GSE1: variants seen among roughly 807,000 people sequenced by gnomAD.
GSE1 encodes genetic suppressor element 1.
A neutral mutation model predicts 112.6 loss-of-function variants in GSE1; 32 were observed. That is an observed-to-expected ratio of 0.28 (90% CI 0.21 to 0.38). The LOEUF (loss-of-function observed/expected upper bound fraction) is 0.38. Among genes scored for constraint, GSE1 ranks in the 10% least tolerant of loss-of-function variants. The probability of loss-of-function intolerance (pLI) is 1.00; values close to 1 mark genes in which losing one functional copy is unlikely to be tolerated. For synonymous variants in GSE1, 1,115 were observed against 735.6 expected (o/e 1.52, Z -8.35); for missense variants, 2,348 against 1,699.2 (o/e 1.38, Z -6.71).
chr16:85,479,003 C>T lies in GSE1; in HGVS notation c.2464+121360C>T, dbSNP rs570574585. ...TCCTTCCTTCCTTCCTTCTTTCCCT[C>T]CCTCCCTCCCTACCTCCTTCCTTCC... On this transcript the variant is annotated intron_variant, in intron 2 of 2. Coordinates refer to the GSE1 transcript ENST00000637419. Among the ~76,000 whole-genome samples, 108 of 116,204 alleles carry T rather than the reference C, an allele frequency of 9.3e-4. 9 individuals carry two copies. The highest frequency in any genetic ancestry group is 3.4e-3 in the African/African-American group (104 of 30,306). 76.2% of individuals were successfully genotyped at this position (116,204 alleles called of 152,430 possible).
intron 1 of GSE1, among the ~76,000 whole-genome samples, chr16:85,301,137 C>T (rs2045512491): frequency 6.6e-6 from 1 of 152,236 alleles, no homozygotes; most frequent in South Asian, 2.1e-4. Context: ...CCTCTCCCAT[C>T]ACATGGCGCC....
rs968400552 is a variant in GSE1, at chr16:85,453,331, C to T, written c.2464+95688C>T. On this transcript the variant is annotated intron_variant, in intron 2 of 2. Coordinates refer to the GSE1 transcript ENST00000637419. ...CTCCGCGGAGGCTGGGCAGATTGCT[C>T]GGTGCATGGACGCAGTGTGTACAAA... 6.2e-4 allele frequency among the ~76,000 whole-genome samples: 94 copies of T among 152,258 alleles called. 1 individual carries two copies. Among genetic ancestry groups the T allele is most frequent in the Middle Eastern group, 3.4e-3 (1 of 292 alleles).
At position 85,174,542 on chromosome 16, in the gene GSE1, A is replaced by G. The variant is rs181062171; in HGVS notation, c.2283+2735A>G. Among the ~76,000 whole-genome samples, 8 of 152,244 alleles carry G rather than the reference A, an allele frequency of 5.3e-5. No individual in the cohort carries two copies. The East Asian group carries it at 1.4e-3, about 26-fold the overall frequency. On this transcript the variant is annotated intron_variant, in intron 1 of 2. Coordinates refer to the GSE1 transcript ENST00000637419. ...TCCGTCCTCCCTCCCCCTCCTTCCC[A>G]TTCATTCAACAAATATTTATGGAGC... is the stretch of plus-strand genomic sequence containing the variant.
At chr16:85,556,913 G>A (rs1486082382) in intron 1 of GSE1, among the ~76,000 whole-genome samples, 1 of 152,046 alleles carries the variant, frequency 6.6e-6, no homozygotes, top group Non-Finnish European at 1.5e-5. Flanking sequence ...GGGGGCCGGG[G>A]AAGCTCAGGA....
intron 1 of GSE1, among the ~76,000 whole-genome samples, chr16:85,352,219 C>A (rs891627388): frequency 6.6e-6 from 1 of 152,202 alleles, no homozygotes; most frequent in Non-Finnish European, 1.5e-5. Context: ...CTCCAGCTCC[C>A]TGGAGAAAGC....
At chr16:85,619,987 G>C (rs907123950) in intron 1 of GSE1, among the ~76,000 whole-genome samples, 8 of 152,148 alleles carry the variant, frequency 5.3e-5, no homozygotes, top group South Asian at 4.1e-4. Context: ...CGGCTGCTTC[G>C]GAAGGCCCTG....
intron 2 of GSE1, among the ~76,000 whole-genome samples, chr16:85,451,123 A>T (rs1041892808): frequency 3.4e-5 from 5 of 148,562 alleles, no homozygotes; most frequent in African/African-American, 7.4e-5. Context: ...GATATAGCTT[A>T]CGCACAAGAG....
intron 1 of GSE1, among the ~76,000 whole-genome samples, chr16:85,225,336 G>A (rs2075465862): frequency 6.6e-6 from 1 of 152,164 alleles, no homozygotes; most frequent in Non-Finnish European, 1.5e-5. Context: ...GGAGAGGGGT[G>A]TTCCTGGCAG....
At chr16:85,232,347 C>T (rs530311877) in intron 1 of GSE1, among the ~76,000 whole-genome samples, 5 of 152,276 alleles carry the variant, frequency 3.3e-5, no homozygotes, top group South Asian at 2.1e-4. Flanking sequence ...CTACTCCCCT[C>T]GGACCTCCAC....
At chr16:85,199,340 C>G (rs1439198919) in intron 1 of GSE1, among the ~76,000 whole-genome samples, 3 of 152,184 alleles carry the variant, frequency 2.0e-5, no homozygotes, top group African/African-American at 7.2e-5. Flanking sequence ...CCCGCCTCAG[C>G]CTCCCAAAGT....
At chr16:85,474,657 CT>C (rs1172181689) in intron 2 of GSE1, among the ~76,000 whole-genome samples, 6 of 143,436 alleles carry the variant, frequency 4.2e-5, no homozygotes, top group African/African-American at 7.7e-5. Context: ...CTTGCCCCCC[CT>C]CTTCCCCCTC....
intron 1 of GSE1, among the ~76,000 whole-genome samples, chr16:85,274,612 G>A (rs575437320): frequency 6.6e-5 from 10 of 152,290 alleles, no homozygotes; most frequent in South Asian, 2.1e-4. Flanking sequence ...GGGACCTGGC[G>A]GTTGTAGGGA....
At position 85,288,607 on chromosome 16, in the gene GSE1, G is replaced by C. The variant is rs140951737; in HGVS notation, c.2284-68856G>C. 2.8e-3 allele frequency among the ~76,000 whole-genome samples: 424 copies of C among 152,354 alleles called. 2 individuals are homozygous for C. Among genetic ancestry groups the C allele is most frequent in the Middle Eastern group, 0.01 (3 of 294 alleles). On this transcript the variant is annotated intron_variant, in intron 1 of 2. Transcript: ENST00000637419. ...ATCTGAAGGAGCCTCCCTTCTGTGG[G>C]GAGACACCCCTGCCACTGAGGACAG...
chr16:85,493,937 G>C (rs995114840), intron 2 of GSE1, among the ~76,000 whole-genome samples: 7 of 152,170 alleles, frequency 4.6e-5, no homozygotes, highest in South Asian at 2.1e-4. Context: ...AAAAAAATTA[G>C]CTTGACATGG....
chr16:85,654,220 C>T (rs926553187), intron 3 of GSE1, 58 bp from the exon 4 acceptor site: 1 of 1,499,176 alleles, frequency 6.7e-7, no homozygotes, highest in Non-Finnish European at 9.1e-7. Context: ...CTGGCTGTGT[C>T]CTGTGGTCAG....
chr16:85,649,244 G>A (rs919791909), intron 3 of GSE1, among the ~76,000 whole-genome samples: 4 of 152,082 alleles, frequency 2.6e-5, no homozygotes, highest in Non-Finnish European at 5.9e-5. Context: ...ATGCAGTTCC[G>A]TTCTGAGGCC....
At chr16:85,296,975 T>G (rs2045386294) in intron 1 of GSE1, among the ~76,000 whole-genome samples, 1 of 152,230 alleles carries the variant, frequency 6.6e-6, no homozygotes, top group African/African-American at 2.4e-5. Flanking sequence ...TCTTTCCTCC[T>G]TTGACCTCAC....
chr16:85,552,616 G>A (rs559427958), upstream of GSE1, among the ~76,000 whole-genome samples: 104 of 152,220 alleles, frequency 6.8e-4, no homozygotes, highest in African/African-American at 2.4e-3. Flanking sequence ...ACAGGCGTGA[G>A]CCACCGCGCT....
At chr16:85,277,042 T>G in intron 1 of GSE1, among the ~76,000 whole-genome samples, 1 of 152,072 alleles carries the variant, frequency 6.6e-6, no homozygotes, top group East Asian at 1.9e-4. Context: ...GGATGGCATC[T>G]TCAAAGTCCC....
Sources: gnomAD v4.1 joint callset for allele counts (sites outside exome capture counted in the v4.1 genomes callset) on GRCh38, gnomAD v4.1.1 for gene constraint, MANE v1.5 for transcripts, NCBI Gene and HGNC (gene_info 2026-07-23, HGNC 2026-07-21) for gene names.